The following SMARCA4 variants were observed in gnomAD, a reference collection of about 807,000 sequenced individuals.
SMARCA4 encodes the protein SWI/SNF-related matrix-associated actin-dependent regulator of chromatin subfamily A member 4.
SMARCA4 carries 31 observed loss-of-function variants against 193.9 expected under a neutral mutation model. The ratio of observed to expected loss-of-function variants is 0.16; its 90% CI spans 0.12 to 0.22. SMARCA4 has a LOEUF of 0.22. SMARCA4 is among the 10% of genes least tolerant of loss of function. The pLI is 1.00. For synonymous variants in SMARCA4, 942 were observed against 933.1 expected (o/e 1.01, Z -0.17); for missense variants, 1,148 against 2,296.0 (o/e 0.50, Z 10.22).
chr19:11,025,737 C>CA (rs1471403273), intron 22 of SMARCA4: 1 of 533,788 alleles, frequency 1.9e-6, no homozygotes. Context: ...AGCTTGCCCT[C>CA]AGAGAGCAGG....
Position 10,961,683 on chromosome 19 carries a change from A to G in SMARCA4, c.-32+509A>G, listed in dbSNP as rs541896345. On this transcript the variant is annotated intron_variant, in intron 1 of 34. Transcript: ENST00000344626. ...ATTAGCGGTCCCCTTGGGCTAGCCG[A>G]CCTCAAATTGTCTTAAAAACGTGTC... 308 of 152,244 alleles carry G rather than the reference A, an allele frequency of 2.0e-3. 2 individuals carry two copies. Among genetic ancestry groups the G allele is most frequent in the African/African-American group, 7.2e-3 (298 of 41,544 alleles). The allele number at this position is 152,244 out of a possible 1,614,324, so 9.4% of individuals were successfully genotyped here. A position where few individuals can be genotyped will look rare whatever the true frequency, so the allele number is the denominator to read the frequency against.
At position 11,030,696 on chromosome 19, in the gene SMARCA4, C is replaced by G; in HGVS notation, c.3383-34C>G. On this transcript the variant is annotated intron_variant, in intron 24 of 34. Transcript: ENST00000344626. This position sits in a 1 kb window ranked among gnomAD's most constrained non-coding sequence, Gnocchi z 5.5. ...TGTCCCCACTCTACCCCTGAGGTCA[C>G]CCCGCTGACCCTGTTCTCCTCTGTG... 1 of 1,597,564 alleles carries G rather than the reference C, an allele frequency of 6.3e-7. No individual in the cohort carries two copies. Among genetic ancestry groups the G allele is most frequent in the Non-Finnish European group, 8.5e-7 (1 of 1,171,702 alleles).
At chr19:11,053,128 C>T (rs533555290) in intron 30 of SMARCA4, among the ~76,000 whole-genome samples, 8 of 152,166 alleles carry the variant, frequency 5.3e-5, no homozygotes, top group Admixed American at 1.3e-4. Flanking sequence ...AGGCTGGGCA[C>T]GGTGGCTCAC....
rs533115903 is a variant in SMARCA4, at chr19:10,987,181, T to C, written c.859+178T>C. ...CTGTAGCCAGTCAGTTCCCAAAGGC[T>C]GTCGTTCATCCCTCCTCTGACAGCT... On this transcript the variant is annotated intron_variant, in intron 5 of 34. Transcript: ENST00000344626. This position sits in a 1 kb window ranked among gnomAD's most constrained non-coding sequence, Gnocchi z 5.3. Among the ~76,000 whole-genome samples the C allele has an allele frequency of 3.7e-4, 57 of 152,344 alleles. No individual in the cohort carries two copies. Among genetic ancestry groups the C allele is most frequent in the Middle Eastern group, 3.4e-3 (1 of 294 alleles).
At chr19:11,038,240 G>A (rs912640875) in intron 29 of SMARCA4, among the ~76,000 whole-genome samples, 10 of 152,280 alleles carry the variant, frequency 6.6e-5, no homozygotes, top group South Asian at 6.2e-4. Context: ...TTGGGGCAGC[G>A]TCACCCCATC....
chr19:10,977,236 C>T (rs1308932652), intron 1 of SMARCA4, among the ~76,000 whole-genome samples: 4 of 152,150 alleles, frequency 2.6e-5, no homozygotes. Context: ...GGAAGCCAGT[C>T]TGTTGTTCCT....
chr19:11,016,983 G>C (rs2089422017), intron 16 of SMARCA4, among the ~76,000 whole-genome samples: 1 of 152,046 alleles, frequency 6.6e-6, no homozygotes, highest in Non-Finnish European at 1.5e-5. Flanking sequence ...GGATGGGCCT[G>C]TTGCTTCTGG....
intron 29 of SMARCA4, among the ~76,000 whole-genome samples, chr19:11,036,335 C>T (rs2075267848): frequency 6.6e-6 from 1 of 152,214 alleles, no homozygotes; most frequent in African/African-American, 2.4e-5. Flanking sequence ...GTTACCCAGG[C>T]TGGCCTCCAG....
At chr19:11,010,295 C>A (rs2146228135) in intron 14 of SMARCA4, 86 bp from the exon 15 acceptor site, 2 of 1,451,018 alleles carry the variant, frequency 1.4e-6, no homozygotes, top group Non-Finnish European at 1.9e-6. Context: ...CAGAAAGGGC[C>A]ACTCCGCAGA....
chr19:11,018,336 C>T (rs542459540), intron 16 of SMARCA4: 1 of 195,780 alleles, frequency 5.1e-6, no homozygotes, highest in South Asian at 1.0e-4. Context: ...TCTCAGGTGA[C>T]TCACCCCTCC....
chr19:10,989,549 C>T (rs1184849993), intron 7 of SMARCA4, 106 bp downstream of exon 7: 2 of 1,339,976 alleles, frequency 1.5e-6, no homozygotes, highest in Non-Finnish European at 2.1e-6. Context: ...CCTGCCTGGG[C>T]TGTGAAAAGC....
At chr19:11,026,812 C>G (rs532989100) in intron 23 of SMARCA4, among the ~76,000 whole-genome samples, 17 of 152,274 alleles carry the variant, frequency 1.1e-4, no homozygotes, top group African/African-American at 3.6e-4. Context: ...TTATACAAAT[C>G]TTTAGTGCTT....
rs1287708208 is a variant in SMARCA4, at chr19:11,003,234, C to T, written c.1943+75C>T. ...GGGCCTTGTTCCAGGGAGGTGGCAG[C>T]CAGGAGCAATTTTACTTCTGTTTGA... On this transcript the variant is annotated intron_variant, in intron 12 of 34. Coordinates refer to ENST00000344626, the MANE Select transcript of SMARCA4 (RefSeq NM_003072.5). 4.4e-6 allele frequency: 7 copies of T among 1,607,430 alleles called. No homozygotes were observed. In the Admixed American group the frequency reaches 5.0e-5, roughly 11 times the overall value.
chr19:11,058,016 G>C lies in SMARCA4; in HGVS notation c.4425-239G>C, dbSNP rs965987499. 6.6e-6 allele frequency among the ~76,000 whole-genome samples: 1 copy of C among 151,674 alleles called. No homozygotes were observed. Among genetic ancestry groups the C allele is most frequent in the Non-Finnish European group, 1.5e-5 (1 of 67,988 alleles). ...AGTGACTCCAAAGGCTGAGGCAGGA[G>C]AATCTCCTGAACCTGGGAGGTGGAG... On this transcript the variant is annotated intron_variant, in intron 30 of 34. Coordinates refer to ENST00000344626, the MANE Select transcript of SMARCA4 (RefSeq NM_003072.5). This position sits in a 1 kb window ranked among gnomAD's most constrained non-coding sequence, Gnocchi z 5.8.
chr19:10,985,423 T>A lies in SMARCA4; in HGVS notation c.355+18T>A. Reference sequence around the variant, plus strand: ...CTCCCAAGGTACAGAACTGCGTTCCTTCCTGCCTTGTGTTTGTCATACTCC... The same window carrying A: ...CTCCCAAGGTACAGAACTGCGTTCCATCCTGCCTTGTGTTTGTCATACTCC... On this transcript the variant is annotated intron_variant, in intron 3 of 34. Coordinates refer to ENST00000344626, the MANE Select transcript of SMARCA4 (RefSeq NM_003072.5). The surrounding 1 kb of genome is among the most constrained non-coding windows in gnomAD (Gnocchi z 4.5). 1.2e-6 allele frequency: 2 copies of A among 1,613,242 alleles called. No homozygotes were observed. The highest frequency in any genetic ancestry group is 1.7e-6 in the Non-Finnish European group (2 of 1,179,840).
At chr19:10,996,615 A>G (rs2145985154) in intron 11 of SMARCA4, 71 bp downstream of exon 11, 1 of 1,399,694 alleles carries the variant, frequency 7.1e-7, no homozygotes. Context: ...AGACTTTAAA[A>G]CCTGTGTTCT....
Position 11,058,756 on chromosome 19 carries a change from G to T in SMARCA4, c.4534-32G>T. 1 of 1,590,740 alleles carries T rather than the reference G, an allele frequency of 6.3e-7. No homozygotes were observed. The highest frequency in any genetic ancestry group is 8.6e-7 in the Non-Finnish European group (1 of 1,159,032). ...CTGCGGGCAGGCGAGGCGGGGTCCT[G>T]AGGTAAGACCTGCTCCTCCCGTCCA... On this transcript the variant is annotated intron_variant, in intron 31 of 34. Transcript: ENST00000344626. The surrounding 1 kb of genome is among the most constrained non-coding windows in gnomAD (Gnocchi z 5.8).
At chr19:11,045,840 T>C (rs914957212) in intron 30 of SMARCA4, among the ~76,000 whole-genome samples, 5 of 152,120 alleles carry the variant, frequency 3.3e-5, no homozygotes, top group African/African-American at 1.2e-4. Flanking sequence ...TCCCAGCACT[T>C]TGGGAGGCCG....
At chr19:11,049,830 A>G (rs530181434) in intron 30 of SMARCA4, among the ~76,000 whole-genome samples, 1 of 152,332 alleles carries the variant, frequency 6.6e-6, no homozygotes, top group South Asian at 2.1e-4. Context: ...GGCCAGGCGC[A>G]GGCGCTCACA....
Sources: allele counts gnomAD v4.1 joint callset (sites outside exome capture counted in the v4.1 genomes callset), GRCh38; gene constraint gnomAD v4.1.1; non-coding constraint Gnocchi (gnomAD v3.1); transcripts MANE v1.5; gene names NCBI Gene and HGNC (gene_info 2026-07-23, HGNC 2026-07-21).